The following TENM3 variants were observed in gnomAD, a reference collection of about 807,000 sequenced individuals.
TENM3 encodes teneurin-3.
TENM3 carries 63 observed loss-of-function variants against 255.1 expected under a neutral mutation model. That is an observed-to-expected ratio of 0.25 (90% CI 0.20 to 0.30). TENM3 has a LOEUF of 0.30. Ranked by LOEUF, TENM3 falls within the 10% of genes least tolerant of loss-of-function variation. The pLI, the probability that TENM3 is intolerant of heterozygous loss-of-function variation, is 1.00. For missense variants in TENM3, 2,929 were observed against 3,461.1 expected (o/e 0.85, Z 3.86); for synonymous variants, 1,306 against 1,322.3 (o/e 0.99, Z 0.27).
chr4:181,568,661 C>T, the TENM3 span, among the ~76,000 whole-genome samples: 1 of 152,166 alleles, frequency 6.6e-6, no homozygotes, highest in Non-Finnish European at 1.5e-5. Context: ...CTATTTCTTT[C>T]TCAGGCAATA....
intron 1 of TENM3, among the ~76,000 whole-genome samples, chr4:182,184,983 T>C (rs1485617675): frequency 3.3e-5 from 5 of 151,936 alleles, no homozygotes; most frequent in Non-Finnish European, 7.4e-5. Context: ...CTCAGGAGGC[T>C]GAGGCAGGAG....
At chr4:181,742,745 A>G in the TENM3 span, among the ~76,000 whole-genome samples, 1 of 152,006 alleles carries the variant, frequency 6.6e-6, no homozygotes, top group Non-Finnish European at 1.5e-5. Flanking sequence ...CTACATACGT[A>G]TACATGTGCC....
In TENM3 at chr4:182,471,112, G is replaced by A. The variant is rs187577226; in HGVS notation, c.511+124183G>A. 3.3e-3 allele frequency among the ~76,000 whole-genome samples: 501 copies of A among 152,146 alleles called. 8 individuals are homozygous for A. Among genetic ancestry groups the A allele is most frequent in the African/African-American group, 0.011 (467 of 41,502 alleles). ...GTGAAATGACCAAAAGCTGGGCCACGGAGAGGAAAATAAAGATAATCTAAA... is the reference window on the plus strand; with the variant it reads ...GTGAAATGACCAAAAGCTGGGCCACAGAGAGGAAAATAAAGATAATCTAAA... On this transcript the variant is annotated intron_variant, in intron 3 of 27. Coordinates refer to ENST00000511685, the MANE Select transcript of TENM3 (RefSeq NM_001080477.4).
intron 3 of TENM3, among the ~76,000 whole-genome samples, chr4:182,477,723 G>A (rs1733813273): frequency 6.6e-6 from 1 of 152,054 alleles, no homozygotes; most frequent in South Asian, 2.1e-4. Flanking sequence ...TTGTATCTGA[G>A]ATGCAACAAA....
At chr4:182,440,391 C>T (rs1399797623) in intron 3 of TENM3, among the ~76,000 whole-genome samples, 1 of 152,138 alleles carries the variant, frequency 6.6e-6, no homozygotes, top group Non-Finnish European at 1.5e-5. Context: ...GGATTACAGG[C>T]GTGAGCCACT....
chr4:182,664,525 C>T (rs1187715043), intron 6 of TENM3, among the ~76,000 whole-genome samples: 2 of 152,132 alleles, frequency 1.3e-5, no homozygotes, highest in Admixed American at 6.6e-5. Flanking sequence ...AAGAATCACA[C>T]GTCTCTCAGT....
the TENM3 span, among the ~76,000 whole-genome samples, chr4:181,448,362 G>A: frequency 5.3e-5 from 8 of 149,946 alleles, no homozygotes; most frequent in South Asian, 2.1e-4. Flanking sequence ...TAGTAGAGAC[G>A]GGGTTTCACC....
chr4:182,402,753 A>G lies in TENM3; in HGVS notation c.511+55824A>G, dbSNP rs543093429. On this transcript the variant is annotated intron_variant, in intron 3 of 27. Coordinates refer to ENST00000511685, the MANE Select transcript of TENM3 (RefSeq NM_001080477.4). Reference sequence around the variant, plus strand: ...GATGAGAGAGAAATTATGCTAATGCATTTTGGTGGATCAAATGAGTGTTTC... The same window carrying G: ...GATGAGAGAGAAATTATGCTAATGCGTTTTGGTGGATCAAATGAGTGTTTC... Among the ~76,000 whole-genome samples, 49 of 152,324 alleles carry G rather than the reference A, an allele frequency of 3.2e-4. 1 individual carries two copies. Among genetic ancestry groups the G allele is most frequent in the Non-Finnish European group, 5.3e-4 (36 of 68,036 alleles).
At chr4:182,576,904 C>T (rs1255151293) in intron 3 of TENM3, among the ~76,000 whole-genome samples, 6 of 152,106 alleles carry the variant, frequency 3.9e-5, no homozygotes, top group Admixed American at 3.9e-4. Flanking sequence ...ATGCAAATGC[C>T]GAAGCGGAAC....
At chr4:181,904,004 G>C in the TENM3 span, among the ~76,000 whole-genome samples, 5 of 152,140 alleles carry the variant, frequency 3.3e-5, no homozygotes, top group African/African-American at 1.2e-4. Flanking sequence ...CTCCAGATGT[G>C]TATCTAACTG....
chr4:181,621,886 G>A, the TENM3 span, among the ~76,000 whole-genome samples: 1 of 152,152 alleles, frequency 6.6e-6, no homozygotes, highest in African/African-American at 2.4e-5. Flanking sequence ...GCCCTGAACT[G>A]TGAGAATGAG....
the TENM3 span, among the ~76,000 whole-genome samples, chr4:181,540,908 G>A: frequency 1.3e-5 from 2 of 152,108 alleles, no homozygotes; most frequent in African/African-American, 4.8e-5. Flanking sequence ...TTCCCTATTG[G>A]CTCATTAATA....
chr4:182,480,441 T>C (rs1004948909), intron 3 of TENM3, among the ~76,000 whole-genome samples: 1 of 152,070 alleles, frequency 6.6e-6, no homozygotes, highest in African/African-American at 2.4e-5. Flanking sequence ...TCTAATGATG[T>C]TTTTCAAAAT....
Position 182,729,004 on chromosome 4 carries a change from A to G in TENM3, c.2408A>G (p.Gln803Arg). The stretch of plus-strand genomic sequence containing the variant: ...TGCATGGATCCCGATTGCTGCCTAC[A>G]GAGTTCCTGCCAGAATCAGCCCTAT... ...IDCMDPDCCL[Q>R]SSCQNQPYCR... Residue 803 changes from glutamine (Q) to arginine (R), a missense_variant, in exon 14 of 28, where the codon CAG becomes CGG. Gln to Arg is a conservative substitution (Grantham distance 43, BLOSUM62 1). Around this residue, in one of 6 missense-constraint regions of TENM3, gnomAD observed 1,608 missense variants for 1,884.4 expected, o/e 0.85. Coordinates refer to ENST00000511685, the MANE Select transcript of TENM3 (RefSeq NM_001080477.4). The G allele has an allele frequency of 6.2e-7, 1 of 1,613,992 alleles. No homozygotes were observed. Among genetic ancestry groups the G allele is most frequent in the Non-Finnish European group, 8.5e-7 (1 of 1,179,878 alleles).
chr4:181,913,897 T>A, the TENM3 span, among the ~76,000 whole-genome samples: 5 of 152,296 alleles, frequency 3.3e-5, no homozygotes, highest in African/African-American at 1.2e-4. Flanking sequence ...CCATAGGATG[T>A]GATTGGTGCT....
At position 182,315,613 on chromosome 4, in the gene TENM3, G is replaced by C. The variant is rs1286674334; in HGVS notation, c.-75-8333G>C. ...GTGTTTGGGGCTTGTTGAGCTACTG[G>C]CATCTGTAAGTTTATAATATTCATC... On this transcript the variant is annotated intron_variant, in intron 1 of 27. Coordinates refer to ENST00000511685, the MANE Select transcript of TENM3 (RefSeq NM_001080477.4). 3.9e-5 allele frequency among the ~76,000 whole-genome samples: 6 copies of C among 152,038 alleles called. No individual in the cohort carries two copies. The South Asian group carries it at 1.0e-3, about 26-fold the overall frequency.
the TENM3 span, among the ~76,000 whole-genome samples, chr4:182,059,642 C>T: frequency 6.7e-6 from 1 of 149,666 alleles, no homozygotes; most frequent in Admixed American, 6.7e-5. Flanking sequence ...TGTGCAGTGG[C>T]TCATGCCTGT....
chr4:182,341,773 G>A (rs1764501796), intron 2 of TENM3, among the ~76,000 whole-genome samples: 1 of 152,026 alleles, frequency 6.6e-6, no homozygotes, highest in East Asian at 1.9e-4. Context: ...TATTTTACAT[G>A]GAGTGAAAGC....
the TENM3 span, among the ~76,000 whole-genome samples, chr4:181,671,789 T>A: frequency 6.6e-6 from 1 of 152,122 alleles, no homozygotes; most frequent in Non-Finnish European, 1.5e-5. Flanking sequence ...AGCAAAGGGC[T>A]TGGCACCTGG....
Sources: gnomAD v4.1 joint callset for allele counts (sites outside exome capture counted in the v4.1 genomes callset) on GRCh38, gnomAD v4.1.1 for gene constraint, gnomAD v4.1.1 regional missense constraint, MANE v1.5 for transcripts, NCBI Gene and HGNC (gene_info 2026-07-23, HGNC 2026-07-21) for gene names.